Variants in ESRRG observed in about 807,000 individuals in gnomAD.
ESRRG encodes estrogen-related receptor gamma.
Under a neutral mutation model 44.0 loss-of-function variants are expected in ESRRG, and 13 were observed. The observed-to-expected ratio is 0.30, with a 90% confidence interval of 0.19 to 0.47. The LOEUF (loss-of-function observed/expected upper bound fraction) is 0.47, where lower values mean the gene tolerates loss of function less well. ESRRG is among the 20% of genes least tolerant of loss of function. The pLI, the probability that ESRRG is intolerant of heterozygous loss-of-function variation, is 1.00. For missense variants in ESRRG, 395 were observed against 580.6 expected (o/e 0.68, Z 3.29); for synonymous variants, 215 against 214.6 (o/e 1.00, Z -0.02).
chr1:216,527,000 C>A (rs1028989797), intron 5 of ESRRG, among the ~76,000 whole-genome samples: 1 of 152,148 alleles, frequency 6.6e-6, no homozygotes, highest in African/African-American at 2.4e-5. Flanking sequence ...TGACAAAGTT[C>A]AAATCAACTA....
intron 1 of ESRRG, among the ~76,000 whole-genome samples, chr1:217,089,096 C>T (rs796510877): frequency 1.1e-4 from 16 of 152,146 alleles, no homozygotes; most frequent in African/African-American, 3.9e-4. Context: ...CCACCCTCTC[C>T]CCCAACGACC....
At chr1:216,682,199 C>T (rs1408903505) in intron 1 of ESRRG, among the ~76,000 whole-genome samples, 1 of 152,118 alleles carries the variant, frequency 6.6e-6, no homozygotes, top group Non-Finnish European at 1.5e-5. Context: ...AAAATGGGTG[C>T]ATAAAATTCT....
intron 5 of ESRRG, among the ~76,000 whole-genome samples, chr1:216,519,824 AAAAAG>A (rs1205954830): frequency 1.3e-5 from 2 of 151,086 alleles, no homozygotes; most frequent in East Asian, 3.9e-4. Flanking sequence ...TAAAAAAAAA[AAAAAG>A]AAGAAGAAGG....
At chr1:216,544,043 T>C (rs1388661246) in intron 5 of ESRRG, among the ~76,000 whole-genome samples, 1 of 152,026 alleles carries the variant, frequency 6.6e-6, no homozygotes, top group Non-Finnish European at 1.5e-5. Flanking sequence ...AAATAAACTT[T>C]GGGTCTTGGT....
chr1:216,827,071 A>G (rs1377018552), intron 2 of ESRRG, among the ~76,000 whole-genome samples: 1 of 152,226 alleles, frequency 6.6e-6, no homozygotes, highest in Admixed American at 6.5e-5. Context: ...TTATGATCAT[A>G]GAAAAAGCCT....
intron 2 of ESRRG, among the ~76,000 whole-genome samples, chr1:216,775,715 C>T (rs2093588008): frequency 6.6e-6 from 1 of 151,534 alleles, no homozygotes; most frequent in Admixed American, 6.6e-5. Context: ...CCATGCCTAG[C>T]TATTTTATTT....
chr1:216,657,201 G>A (rs1157458095), intron 2 of ESRRG, among the ~76,000 whole-genome samples: 2 of 151,892 alleles, frequency 1.3e-5, no homozygotes, highest in African/African-American at 2.4e-5. Flanking sequence ...ACTATCTATA[G>A]CTGAGATTCA....
intron 2 of ESRRG, among the ~76,000 whole-genome samples, chr1:216,907,191 G>A (rs1014790681): frequency 3.3e-5 from 5 of 152,108 alleles, no homozygotes; most frequent in African/African-American, 1.2e-4. Flanking sequence ...CTGGGAAAAT[G>A]AAAATACAGC....
At chr1:216,628,430 T>C (rs2063551612) in intron 3 of ESRRG, among the ~76,000 whole-genome samples, 1 of 152,158 alleles carries the variant, frequency 6.6e-6, no homozygotes, top group African/African-American at 2.4e-5. Flanking sequence ...AAGGATCAAA[T>C]CCTAAAGACT....
At chr1:216,994,386 C>A in intron 1 of ESRRG, among the ~76,000 whole-genome samples, 1 of 152,146 alleles carries the variant, frequency 6.6e-6, no homozygotes, top group East Asian at 1.9e-4. Flanking sequence ...AGTGATGGGG[C>A]ACCCGGAAGG....
At chr1:216,845,177 C>G (rs986973690) in intron 2 of ESRRG, among the ~76,000 whole-genome samples, 2 of 152,054 alleles carry the variant, frequency 1.3e-5, no homozygotes, top group Non-Finnish European at 2.9e-5. Context: ...TATCTTATTA[C>G]TTAAAGTTAA....
intron 1 of ESRRG, among the ~76,000 whole-genome samples, chr1:217,099,930 C>T (rs1377291281): frequency 6.6e-6 from 1 of 151,704 alleles, no homozygotes; most frequent in Non-Finnish European, 1.5e-5. Flanking sequence ...AGTGGAGAAT[C>T]CGTAGTAATA....
At chr1:216,720,400 T>C (rs1172928377) in intron 1 of ESRRG, among the ~76,000 whole-genome samples, 1 of 151,962 alleles carries the variant, frequency 6.6e-6, no homozygotes, top group Non-Finnish European at 1.5e-5. Flanking sequence ...AAACAAAACA[T>C]GAAGAAAAGT....
intron 3 of ESRRG, among the ~76,000 whole-genome samples, chr1:216,611,823 TAGA>T (rs2060716487): frequency 6.6e-6 from 1 of 152,074 alleles, no homozygotes; most frequent in Non-Finnish European, 1.5e-5. Flanking sequence ...ATTCACAAAA[TAGA>T]AGTGCTTTCT....
At chr1:217,133,827 A>C (rs1050723623) in intron 1 of ESRRG, among the ~76,000 whole-genome samples, 15 of 151,902 alleles carry the variant, frequency 9.9e-5, no homozygotes, top group Non-Finnish European at 7.4e-5. Context: ...CCCTCAACCA[A>C]AGAGCTGAGC....
At chr1:216,722,691 T>C (rs1457136726) in intron 1 of ESRRG, among the ~76,000 whole-genome samples, 1 of 152,130 alleles carries the variant, frequency 6.6e-6, no homozygotes. Context: ...ACGCTAACCA[T>C]GCAAATAACA....
intron 2 of ESRRG, among the ~76,000 whole-genome samples, chr1:216,779,497 T>A (rs1219802910): frequency 3.1e-3 from 15 of 4,900 alleles, no homozygotes; most frequent in East Asian, 0.014. Context: ...TATATATTTA[T>A]ATATAAATAT....
At chr1:216,783,097 C>A (rs923574174) in intron 2 of ESRRG, among the ~76,000 whole-genome samples, 4 of 151,796 alleles carry the variant, frequency 2.6e-5, no homozygotes, top group Admixed American at 6.6e-5. Context: ...CGGAATCTCA[C>A]GGTGGCTGGG....
At chr1:216,768,692 T>G (rs2152383210) in intron 2 of ESRRG, among the ~76,000 whole-genome samples, 1 of 152,274 alleles carries the variant, frequency 6.6e-6, no homozygotes, top group Admixed American at 6.5e-5. Flanking sequence ...GATCTAGCTC[T>G]GTTGCTCAAG....
Sources: allele counts gnomAD v4.1 joint callset (sites outside exome capture counted in the v4.1 genomes callset), GRCh38; gene constraint gnomAD v4.1.1; transcripts MANE v1.5; gene names NCBI Gene and HGNC (gene_info 2026-07-23, HGNC 2026-07-21).